TBC1D16: variants seen among roughly 807,000 people sequenced by gnomAD.
TBC1D16 encodes the protein TBC1 domain family member 16.
TBC1D16 carries 58 observed loss-of-function variants against 74.7 expected under a neutral mutation model. The ratio of observed to expected loss-of-function variants is 0.78; its 90% CI spans 0.63 to 0.97. TBC1D16 has a LOEUF of 0.97. TBC1D16 is among the 50% of genes least tolerant of loss of function. TBC1D16 has a pLI of 0.00. For missense variants in TBC1D16, 1,014 were observed against 1,079.5 expected (o/e 0.94, Z 0.85); for synonymous variants, 493 against 474.7 (o/e 1.04, Z -0.50).
Position 79,987,023 on chromosome 17 carries a change from G to A in TBC1D16, c.779+23137C>T, listed in dbSNP as rs1041164818. ...GAGGGACCCTGAATTTTGAGGTGGG[G>A]CCACAGAACCTCCCTTGAGAGCCAG... is the stretch of plus-strand genomic sequence containing the variant. On this transcript the variant is annotated intron_variant, in intron 3 of 11. Coordinates refer to ENST00000310924, the MANE Select transcript of TBC1D16 (RefSeq NM_019020.4). This position sits in a 1 kb window ranked among gnomAD's most constrained non-coding sequence, Gnocchi z 5.2. 6.6e-6 allele frequency among the ~76,000 whole-genome samples: 1 copy of A among 152,176 alleles called. No individual in the cohort carries two copies. Among genetic ancestry groups the A allele is most frequent in the African/African-American group, 2.4e-5 (1 of 41,446 alleles).
rs2035777217 is a variant in TBC1D16, at chr17:80,008,959, G to GGGCTGCAGCATAAAAGGTCAC, written c.779+1200_779+1201insGTGACCTTTTATGCTGCAGCC. ...ATGCTGCAGCCCTGGGGCAGACCCA[G>GGGCTGCAGCATAAAAGGTCAC]CTGGGTTCACATCCCAGCTTGGCCC... On this transcript the variant is annotated intron_variant, in intron 3 of 11. Transcript: ENST00000310924. This position sits in a 1 kb window ranked among gnomAD's most constrained non-coding sequence, Gnocchi z 4.5. 6.6e-6 allele frequency among the ~76,000 whole-genome samples: 1 copy of GGGCTGCAGCATAAAAGGTCAC among 152,210 alleles called. No individual in the cohort carries two copies. Among genetic ancestry groups the GGGCTGCAGCATAAAAGGTCAC allele is most frequent in the Non-Finnish European group, 1.5e-5 (1 of 68,028 alleles).
rs185728733 is a variant in TBC1D16, at chr17:80,024,263, C to T, written c.-62-10654G>A. 1.1e-3 allele frequency among the ~76,000 whole-genome samples: 72 copies of T among 64,392 alleles called. 7 individuals carry two copies. The highest frequency in any genetic ancestry group is 6.4e-3 in the East Asian group (18 of 2,802). The allele number at this position is 64,392 out of a possible 152,430, so 42.2% of individuals were successfully genotyped here. On this transcript the variant is annotated intron_variant, in intron 1 of 11. Transcript: ENST00000310924. ...AACCCCATGCCTGCTGCTCCCACCC[C>T]GGAGGAGTCAGAGGCCGAGAAGCAC...
At position 80,013,383 on chromosome 17, in the gene TBC1D16, C is replaced by G; in HGVS notation, c.165G>C (p.Leu55=). The G allele has an allele frequency of 1.2e-6, 2 of 1,606,744 alleles. No homozygotes were observed. Among genetic ancestry groups the G allele is most frequent in the Non-Finnish European group, 1.7e-6 (2 of 1,177,122 alleles). The stretch of plus-strand genomic sequence containing the variant: ...CTGGCTCACCTGGGTGGTGCTCCCC[C>G]AGCCCCTGCAGCCCCTCCGGCGGGT... The part of the protein sequence containing the change: ...CVHPPEGLQG[L]GEHHPGYLCL... Residue 55 remains leucine, a synonymous_variant, in exon 2 of 12, where the codon CTG becomes CTC. Coordinates refer to ENST00000310924, the MANE Select transcript of TBC1D16 (RefSeq NM_019020.4).
intron 1 of TBC1D16, among the ~76,000 whole-genome samples, chr17:80,030,487 G>T (rs987166790): frequency 6.6e-6 from 1 of 152,118 alleles, no homozygotes; most frequent in Non-Finnish European, 1.5e-5. Flanking sequence ...TGGCCTAAAG[G>T]GCTTCATCAG....
rs568358868 is a variant in TBC1D16 at position 79,951,648 on chromosome 17, C to T, written c.942-51G>A. Reference sequence around the variant, plus strand: ...GGGAAGCCCGATGAATATGTAAACACGGGGGTTTTATTTCCAAGTATAATC... The same window carrying T: ...GGGAAGCCCGATGAATATGTAAACATGGGGGTTTTATTTCCAAGTATAATC... On this transcript the variant is annotated intron_variant, in intron 4 of 11. Transcript: ENST00000310924. 2.8e-5 allele frequency: 45 copies of T among 1,586,578 alleles called. No individual in the cohort carries two copies. In the Middle Eastern group the frequency reaches 9.6e-4, roughly 34 times the overall value.
At chr17:79,966,780 C>T (rs1264522772) in intron 3 of TBC1D16, among the ~76,000 whole-genome samples, 3 of 152,102 alleles carry the variant, frequency 2.0e-5, no homozygotes, top group Non-Finnish European at 4.4e-5. Flanking sequence ...ACTTTAGATC[C>T]ATTTGAATAG....
intron 2 of TBC1D16, among the ~76,000 whole-genome samples, chr17:80,011,825 CAA>C (rs57521904): frequency 4.5e-5 from 5 of 110,532 alleles, no homozygotes; most frequent in Admixed American, 9.8e-5. Flanking sequence ...GACTCCGTCT[CAA>C]AAAAAAAAAA....
chr17:79,978,421 C>G (rs1298539434), intron 3 of TBC1D16, among the ~76,000 whole-genome samples: 2 of 146,152 alleles, frequency 1.4e-5, no homozygotes, highest in African/African-American at 5.0e-5. Context: ...TAACCAGGCC[C>G]GGCCTTTCTT....
chr17:79,960,779 CAAAAAAAAA>C (rs746450905), intron 3 of TBC1D16, among the ~76,000 whole-genome samples: 2 of 33,948 alleles, frequency 5.9e-5, no homozygotes, highest in Non-Finnish European at 1.1e-4. Context: ...AACAAAAACC[CAAAAAAAAA>C]AAAAAAAAAA....
intron 3 of TBC1D16, among the ~76,000 whole-genome samples, chr17:79,977,121 C>G (rs116401862): frequency 6.6e-6 from 1 of 152,220 alleles, no homozygotes; most frequent in Non-Finnish European, 1.5e-5. Context: ...ACCAGAATAT[C>G]CTACTTTGCC....
chr17:79,949,906 G>A (rs749616308), intron 6 of TBC1D16, 41 bp from the exon 7 acceptor site: 66 of 1,597,264 alleles, frequency 4.1e-5, no homozygotes, highest in Non-Finnish European at 5.3e-5. Context: ...ATAAAATGGG[G>A]CAGCTCAAAG....
chr17:80,034,082 C>T (rs1482483796), intron 1 of TBC1D16, among the ~76,000 whole-genome samples: 1 of 152,104 alleles, frequency 6.6e-6, no homozygotes, highest in Non-Finnish European at 1.5e-5. Flanking sequence ...GCAGTCCTGA[C>T]TTCATGAGCT....
At position 79,956,018 on chromosome 17, in the gene TBC1D16, T is replaced by G. The variant is rs76211449; in HGVS notation, c.780-3200A>C. Reference sequence around the variant, plus strand: ...CTGGGGCCTAGGCAGCCCCTCACTCTTCCTCTTGGCACAGTGCAGGCAAGA... The same window carrying G: ...CTGGGGCCTAGGCAGCCCCTCACTCGTCCTCTTGGCACAGTGCAGGCAAGA... On this transcript the variant is annotated intron_variant, in intron 3 of 11. Transcript: ENST00000310924. This position sits in a 1 kb window ranked among gnomAD's most constrained non-coding sequence, Gnocchi z 4.0. Among the ~76,000 whole-genome samples the G allele has an allele frequency of 0.1, 15,384 of 152,228 alleles. 869 individuals carry two copies. Among genetic ancestry groups the G allele is most frequent in the South Asian group, 0.14 (656 of 4,820 alleles).
In TBC1D16 at chr17:79,982,914, T is replaced by C. The variant is rs141823765; in HGVS notation, c.779+27246A>G. On this transcript the variant is annotated intron_variant, in intron 3 of 11. Coordinates refer to ENST00000310924, the MANE Select transcript of TBC1D16 (RefSeq NM_019020.4). ...AGAATTGGGATGTTACTCATTCCAC[T>C]TTTTTGTAAAATAAATAATATGACA... Among the ~76,000 whole-genome samples the C allele has an allele frequency of 3.3e-5, 5 of 152,330 alleles. No homozygotes were observed. In the East Asian group the frequency reaches 9.7e-4, roughly 29 times the overall value.
chr17:79,976,157 G>T (rs2034321573), intron 3 of TBC1D16, among the ~76,000 whole-genome samples: 1 of 152,200 alleles, frequency 6.6e-6, no homozygotes, highest in Non-Finnish European at 1.5e-5. Context: ...ATACTGGGCA[G>T]TGATTACTCT....
At chr17:79,960,815 G>GAAAAAAAA (rs2033581403) in intron 3 of TBC1D16, among the ~76,000 whole-genome samples, 2 of 87,614 alleles carry the variant, frequency 2.3e-5, no homozygotes, top group African/African-American at 4.7e-5. Context: ...AAAAACGAAG[G>GAAAAAAAA]AATGAAACTG....
rs948372203 is a variant in TBC1D16, at chr17:79,954,940, C to T, written c.780-2122G>A. The stretch of plus-strand genomic sequence containing the variant: ...AGAAACCAGACAGAACACAGAGACT[C>T]GCTTTGGCAGTCACGGATGGAGGGC... On this transcript the variant is annotated intron_variant, in intron 3 of 11. Transcript: ENST00000310924. This position sits in a 1 kb window ranked among gnomAD's most constrained non-coding sequence, Gnocchi z 5.5. Among the ~76,000 whole-genome samples, 5 of 152,214 alleles carry T rather than the reference C, an allele frequency of 3.3e-5. No individual in the cohort carries two copies. In the East Asian group the frequency reaches 7.8e-4, roughly 24 times the overall value.
At chr17:79,997,043 C>CTG (rs1332526581) in intron 3 of TBC1D16, among the ~76,000 whole-genome samples, 2 of 152,180 alleles carry the variant, frequency 1.3e-5, no homozygotes, top group Non-Finnish European at 2.9e-5. Context: ...TCAAAGCTGA[C>CTG]ATCATGCAGG....
rs111846752 is a variant in TBC1D16, at chr17:79,976,108, A to T, written c.780-23290T>A. 7.3e-3 allele frequency among the ~76,000 whole-genome samples: 1,117 copies of T among 152,316 alleles called. 18 individuals are homozygous for T. Among genetic ancestry groups the T allele is most frequent in the African/African-American group, 0.024 (1,016 of 41,562 alleles). On this transcript the variant is annotated intron_variant, in intron 3 of 11. Transcript: ENST00000310924. ...CGGCCTTACTAACCCTTGTCTAGGC[A>T]AACCTGGGAGCGAGATGGAATCAAA...
Sources: gnomAD v4.1 joint callset for allele counts (sites outside exome capture counted in the v4.1 genomes callset) on GRCh38, gnomAD v4.1.1 for gene constraint, Gnocchi (gnomAD v3.1) non-coding constraint, MANE v1.5 for transcripts, NCBI Gene and HGNC (gene_info 2026-07-23, HGNC 2026-07-21) for gene names.